The following ITSN2 variants were observed in gnomAD, a reference collection of about 807,000 sequenced individuals.
The protein encoded by ITSN2 is intersectin-2.
ITSN2 carries 156 observed loss-of-function variants against 243.7 expected under a neutral mutation model. The observed-to-expected ratio is 0.64, with a 90% CI of 0.56 to 0.73. ITSN2 has a LOEUF of 0.73. ITSN2 is among the 30% of genes least tolerant of loss of function. The pLI is 0.00. For synonymous variants in ITSN2, 703 were observed against 699.9 expected, an observed-to-expected ratio of 1.00 and a Z score of -0.07; for missense variants, 1,801 against 1,996.1, an observed-to-expected ratio of 0.90 and a Z score of 1.86.
At chr2:24,313,805 C>T (rs1268918331) in intron 3 of ITSN2, among the ~76,000 whole-genome samples, 1 of 152,048 alleles carries the variant, frequency 6.6e-6, no homozygotes. Flanking sequence ...AAAATACTTC[C>T]ACTTAGTAAA....
chr2:24,348,992 T>G (rs1283741315), intron 1 of ITSN2, among the ~76,000 whole-genome samples: 1 of 152,116 alleles, frequency 6.6e-6, no homozygotes, highest in Non-Finnish European at 1.5e-5. Context: ...GTGGGCCAGT[T>G]GCAGTGGCTC....
At chr2:24,252,288 A>C (rs1304897733) in intron 25 of ITSN2, 57 bp downstream of exon 25, 1 of 1,223,060 alleles carries the variant, frequency 8.2e-7, no homozygotes, top group African/African-American at 1.5e-5. Flanking sequence ...TTAATACCAA[A>C]ATAATTTAAG....
At chr2:24,356,732 G>A (rs1170440331) in intron 1 of ITSN2, among the ~76,000 whole-genome samples, 1 of 152,036 alleles carries the variant, frequency 6.6e-6, no homozygotes, top group Non-Finnish European at 1.5e-5. Flanking sequence ...TGGCCAACAT[G>A]TCTCTACTAA....
intron 1 of ITSN2, among the ~76,000 whole-genome samples, chr2:24,331,937 A>G (rs1685832233): frequency 6.6e-6 from 1 of 152,186 alleles, no homozygotes; most frequent in Non-Finnish European, 1.5e-5. Flanking sequence ...AGTGGCTTTC[A>G]AGAAGGGAGT....
At chr2:24,339,308 AAAAAACAC>A (rs1686786954) in intron 1 of ITSN2, among the ~76,000 whole-genome samples, 1 of 30,866 alleles carries the variant, frequency 3.2e-5, no homozygotes, top group Non-Finnish European at 8.7e-5. Flanking sequence ...CCATCTCTAC[AAAAAACAC>A]AAAAATTAGC....
At chr2:24,343,719 A>G (rs2551132) in intron 1 of ITSN2, among the ~76,000 whole-genome samples, 147,771 of 152,258 alleles carry the variant, frequency 0.97, 71,717 homozygotes, top group East Asian at 0.99. Flanking sequence ...CATAATACCA[A>G]TAAGATGCGG....
chr2:24,258,976 C>T (rs767369059), intron 22 of ITSN2, among the ~76,000 whole-genome samples: 1 of 152,158 alleles, frequency 6.6e-6, no homozygotes, highest in Non-Finnish European at 1.5e-5. Context: ...CAGGACTTCC[C>T]TAAATACTCT....
At chr2:24,311,976 T>A (rs1558607493) in intron 5 of ITSN2, among the ~76,000 whole-genome samples, 1 of 152,082 alleles carries the variant, frequency 6.6e-6, no homozygotes, top group Non-Finnish European at 1.5e-5. Flanking sequence ...AAGGAGACAC[T>A]AACTGGACCA....
chr2:24,313,449 A>G lies in ITSN2; in HGVS notation c.188+11T>C. 6.2e-7 allele frequency: 1 copy of G among 1,607,374 alleles called. No homozygotes were observed. The highest frequency in any genetic ancestry group is 8.5e-7 in the Non-Finnish European group (1 of 1,176,786). ...TATCAGAAAATTAGGTTCATCTACA[A>G]AACACTTTACCATATTTCAGCTAAA... On this transcript the variant is annotated intron_variant, in intron 4 of 39. Transcript: ENST00000355123.
chr2:24,280,628 A>G (rs749045250), intron 17 of ITSN2, among the ~76,000 whole-genome samples: 2 of 152,192 alleles, frequency 1.3e-5, no homozygotes, highest in Non-Finnish European at 1.5e-5. Flanking sequence ...GGGTCAGAGG[A>G]TAACTACAGT....
At chr2:24,329,188 T>C (rs1196901354) in intron 1 of ITSN2, among the ~76,000 whole-genome samples, 1 of 152,254 alleles carries the variant, frequency 6.6e-6, no homozygotes, top group African/African-American at 2.4e-5. Flanking sequence ...TTTTGAACCC[T>C]GAATTCATTA....
rs114851839 is a variant in ITSN2, at chr2:24,333,822, G to A, written c.-33-5707C>T. On this transcript the variant is annotated intron_variant, in intron 1 of 39. Transcript: ENST00000355123. ...AGCAGGAAATCCTGCTTTTACAAAC[G>A]GTCAGTAAGACTCAGAAAAAGTCAC... Among the ~76,000 whole-genome samples the A allele has an allele frequency of 3.8e-3, 580 of 152,176 alleles. 2 individuals carry two copies. Among genetic ancestry groups the A allele is most frequent in the Middle Eastern group, 6.8e-3 (2 of 294 alleles).
At chr2:24,205,149 A>C in intron 38 of ITSN2, 65 bp downstream of exon 38, 1 of 1,393,598 alleles carries the variant, frequency 7.2e-7, no homozygotes, top group Non-Finnish European at 1.0e-6. Flanking sequence ...TCTGTCTCAA[A>C]AAGTCATCAG....
intron 24 of ITSN2, among the ~76,000 whole-genome samples, 155 bp downstream of exon 24, chr2:24,254,208 AATAG>A (rs1476663666): frequency 2.6e-5 from 4 of 152,188 alleles, no homozygotes; most frequent in Non-Finnish European, 5.9e-5. Context: ...ATTCATGTGA[AATAG>A]ATAGGGGCAG....
intron 30 of ITSN2, chr2:24,220,731 A>G: frequency 7.4e-7 from 1 of 1,350,900 alleles, no homozygotes; most frequent in Non-Finnish European, 9.4e-7. Context: ...TCTGGGGGAA[A>G]GAGCTCATTA....
At chr2:24,348,775 G>A (rs1267031666) in intron 1 of ITSN2, among the ~76,000 whole-genome samples, 1 of 152,160 alleles carries the variant, frequency 6.6e-6, no homozygotes, top group Non-Finnish European at 1.5e-5. Context: ...GAATAAAAGA[G>A]TAAAGAAATT....
chr2:24,283,343 G>A (rs1477809072), intron 17 of ITSN2, among the ~76,000 whole-genome samples: 1 of 152,038 alleles, frequency 6.6e-6, no homozygotes, highest in Non-Finnish European at 1.5e-5. Context: ...TCCCGTCTCA[G>A]CTTCCTGAGT....
intron 7 of ITSN2, among the ~76,000 whole-genome samples, chr2:24,309,873 T>C (rs1372486001): frequency 1.3e-5 from 2 of 152,178 alleles, no homozygotes; most frequent in Non-Finnish European, 2.9e-5. Flanking sequence ...GGGTGATTAA[T>C]GTAATGAATA....
chr2:24,211,130 C>T lies in ITSN2; in HGVS notation c.4090-183G>A, dbSNP rs1396555776. On this transcript the variant is annotated intron_variant, in intron 33 of 39. Coordinates refer to ENST00000355123, the MANE Select transcript of ITSN2 (RefSeq NM_006277.3). The surrounding 1 kb of genome is among the most constrained non-coding windows in gnomAD (Gnocchi z 4.1). Reference sequence around the variant, plus strand: ...TCGTACTCCCACAAGTTCTTGGGGACACAGGGACAGGTAACGCTGCTGTGA... The same window carrying T: ...TCGTACTCCCACAAGTTCTTGGGGATACAGGGACAGGTAACGCTGCTGTGA... Among the ~76,000 whole-genome samples, 1 of 152,166 alleles carries T rather than the reference C, an allele frequency of 6.6e-6. No homozygotes were observed. Among genetic ancestry groups the T allele is most frequent in the African/African-American group, 2.4e-5 (1 of 41,430 alleles).
Sources: gnomAD v4.1 joint callset for allele counts (sites outside exome capture counted in the v4.1 genomes callset) on GRCh38, gnomAD v4.1.1 for gene constraint, Gnocchi (gnomAD v3.1) non-coding constraint, MANE v1.5 for transcripts, NCBI Gene and HGNC (gene_info 2026-07-23, HGNC 2026-07-21) for gene names.